Variants in GLIS3 observed in about 807,000 individuals in gnomAD.
GLIS3 encodes the protein GLIS family zinc finger 3, also known as zinc finger protein GLIS3.
GLIS3 carries 53 observed loss-of-function variants against 78.6 expected under a neutral mutation model. The ratio of observed to expected loss-of-function variants is 0.67; its 90% CI spans 0.54 to 0.85. The LOEUF is 0.85. Among genes scored for constraint, GLIS3 ranks in the 40% least tolerant of loss-of-function variants. The pLI, the probability that GLIS3 is intolerant of heterozygous loss-of-function variation, is 0.00. For synonymous variants in GLIS3, 684 were observed against 509.9 expected, an observed-to-expected ratio of 1.34 and a Z score of -4.60; for missense variants, 1,703 against 1,231.1, an observed-to-expected ratio of 1.38 and a Z score of -5.74.
intron 8 of GLIS3, among the ~76,000 whole-genome samples, chr9:3,877,403 C>T (rs375527191): frequency 5.3e-5 from 8 of 152,166 alleles, no homozygotes; most frequent in Admixed American, 1.3e-4. Context: ...TACACTTTAC[C>T]TTGTGCATAG....
chr9:4,253,517 AAGCC>A (rs1195332618), intron 2 of GLIS3, among the ~76,000 whole-genome samples: 1 of 152,192 alleles, frequency 6.6e-6, no homozygotes, highest in Non-Finnish European at 1.5e-5. Context: ...TGACAATTTG[AAGCC>A]AGTGGATCTT....
At chr9:4,370,241 A>AATTGTCC in the GLIS3 span, among the ~76,000 whole-genome samples, 147 of 152,086 alleles carry the variant, frequency 9.7e-4, 1 homozygote, top group African/African-American at 3.3e-3. Context: ...CAAAAGTTCA[A>AATTGTCC]ATTGTCCTGG....
chr9:4,411,607 C>G, the GLIS3 span, among the ~76,000 whole-genome samples: 1 of 152,082 alleles, frequency 6.6e-6, no homozygotes, highest in Non-Finnish European at 1.5e-5. Context: ...CTTTAATCTT[C>G]CATTTGACCT....
At chr9:3,953,764 TCTCTCTCTCTC>T (rs1816859307) in intron 4 of GLIS3, among the ~76,000 whole-genome samples, 24 of 49,752 alleles carry the variant, frequency 4.8e-4, no homozygotes, top group African/African-American at 1.5e-3. Context: ...AGATTTGCTC[TCTCTCTCTCTC>T]TCTCTCTCTC....
intron 2 of GLIS3, among the ~76,000 whole-genome samples, chr9:4,272,054 T>C (rs1250680874): frequency 1.3e-5 from 2 of 152,206 alleles, no homozygotes; most frequent in Non-Finnish European, 2.9e-5. Context: ...GCCCTCGTCA[T>C]GCGGCCAAGC....
At chr9:4,350,700 AT>A (rs1241490357), upstream of GLIS3, among the ~76,000 whole-genome samples, 2 of 152,158 alleles carry the variant, frequency 1.3e-5, no homozygotes, top group African/African-American at 4.8e-5. Flanking sequence ...ATCCTCCTTC[AT>A]TCTGGACCAA....
intron 6 of GLIS3, among the ~76,000 whole-genome samples, chr9:3,905,148 CTT>C (rs35197736): frequency 7.3e-6 from 1 of 136,224 alleles, no homozygotes; most frequent in African/African-American, 2.8e-5. Context: ...AAATTTTTTT[CTT>C]TTTTTTTTTT....
chr9:3,850,368 C>G (rs1161211828), intron 9 of GLIS3, among the ~76,000 whole-genome samples: 1 of 152,210 alleles, frequency 6.6e-6, no homozygotes, highest in African/African-American at 2.4e-5. Context: ...TGAAAGGGCT[C>G]CTGTCTGGAC....
chr9:4,136,952 C>A (rs189889524), intron 2 of GLIS3, among the ~76,000 whole-genome samples: 2 of 152,268 alleles, frequency 1.3e-5, no homozygotes, highest in East Asian at 3.9e-4. Flanking sequence ...TAACTAGTCA[C>A]CTGATGTGCA....
intron 4 of GLIS3, among the ~76,000 whole-genome samples, chr9:4,059,829 T>TGTGTGTGTGTGTGTGTGAGAGAGA: frequency 4.0e-5 from 4 of 100,710 alleles, no homozygotes; most frequent in African/African-American, 6.8e-5. Flanking sequence ...TGTGTGTGTG[T>TGTGTGTGTGTGTGTGTGAGAGAGA]GAGAGAGAGA....
the GLIS3 span, among the ~76,000 whole-genome samples, chr9:4,416,555 G>A: frequency 6.6e-6 from 1 of 151,844 alleles, no homozygotes; most frequent in Admixed American, 6.6e-5. Flanking sequence ...TTGCTAAATT[G>A]TCATATTTCT....
the GLIS3 span, among the ~76,000 whole-genome samples, chr9:4,402,923 T>C: frequency 6.6e-6 from 1 of 152,080 alleles, no homozygotes; most frequent in South Asian, 2.1e-4. Context: ...AACAGAGAAC[T>C]TCCCAAACCT....
At chr9:4,303,422 G>A (rs1219553488), upstream of GLIS3, among the ~76,000 whole-genome samples, 1 of 152,136 alleles carries the variant, frequency 6.6e-6, no homozygotes, top group African/African-American at 2.4e-5. Flanking sequence ...ATAGTGGAAT[G>A]CAGCAAATTT....
intron 2 of GLIS3, among the ~76,000 whole-genome samples, chr9:4,261,597 C>A (rs1587201447): frequency 6.6e-6 from 1 of 152,150 alleles, no homozygotes; most frequent in East Asian, 1.9e-4. Context: ...AGAGAGAACT[C>A]AAGAGGGTTA....
chr9:4,125,713 A>G (rs1389948644), intron 3 of GLIS3, 21 bp downstream of exon 3: 25 of 1,579,772 alleles, frequency 1.6e-5, no homozygotes, highest in Middle Eastern at 2.1e-4. Context: ...AAGAAAGGGG[A>G]AAAAAAAGTT....
chr9:3,991,754 G>C (rs897393193), intron 4 of GLIS3, among the ~76,000 whole-genome samples: 6 of 139,580 alleles, frequency 4.3e-5, no homozygotes, highest in South Asian at 2.4e-4. Context: ...GCAGTGGTGG[G>C]ATCTCGGCTC....
chr9:4,337,856 G>A (rs1240188110), intron 2 of GLIS3, among the ~76,000 whole-genome samples: 3 of 151,754 alleles, frequency 2.0e-5, no homozygotes, highest in Admixed American at 2.0e-4. Flanking sequence ...AACTCTATGA[G>A]GCAACTATTA....
chr9:4,181,171 C>T (rs1440124226), intron 2 of GLIS3, among the ~76,000 whole-genome samples: 1 of 152,264 alleles, frequency 6.6e-6, no homozygotes, highest in Non-Finnish European at 1.5e-5. Flanking sequence ...TAGCTCCTCT[C>T]TGCAAGCATC....
chr9:3,834,466 T>C (rs73640772), intron 9 of GLIS3, among the ~76,000 whole-genome samples: 1,574 of 152,314 alleles, frequency 0.01, 25 homozygotes, highest in African/African-American at 0.036. Context: ...GAACTGACTT[T>C]TAAATTTTAT....
Sources: allele counts gnomAD v4.1 joint callset (sites outside exome capture counted in the v4.1 genomes callset), GRCh38; gene constraint gnomAD v4.1.1; transcripts MANE v1.5; gene names NCBI Gene and HGNC (gene_info 2026-07-23, HGNC 2026-07-21).